The following CNTNAP1 variants were observed in gnomAD, a reference collection of about 807,000 sequenced individuals.
CNTNAP1 encodes the protein contactin-associated protein 1.
In CNTNAP1, 80 loss-of-function variants were observed where a neutral mutation model predicts 161.5. The observed-to-expected ratio is 0.50, with a 90% CI of 0.41 to 0.60. The LOEUF (loss-of-function observed/expected upper bound fraction) is 0.60. CNTNAP1 is among the 20% of genes least tolerant of loss of function. CNTNAP1 has a pLI of 0.00. For missense variants in CNTNAP1, 1,464 were observed against 1,854.8 expected (o/e 0.79, Z 3.87); for synonymous variants, 695 against 733.1 (o/e 0.95, Z 0.84).
rs150144818 is a variant in CNTNAP1 at position 42,688,435 on chromosome 17, C to A, written c.1307-27C>A. ...CTACCCTAGTTGCTGCTTCCCTCCA[C>A]CCACACCATCATCCATTCTTGTCCA... On this transcript the variant is annotated intron_variant, in intron 8 of 23. Coordinates refer to ENST00000264638, the MANE Select transcript of CNTNAP1 (RefSeq NM_003632.3). The A allele has an allele frequency of 1.7e-4, 280 of 1,614,114 alleles. No homozygotes were observed. In the East Asian group the frequency reaches 3.1e-3, roughly 18 times the overall value.
At chr17:42,688,743 G>A (rs1186502039) in intron 9 of CNTNAP1, 132 bp downstream of exon 9, 1 of 1,503,840 alleles carries the variant, frequency 6.6e-7, no homozygotes, top group African/African-American at 1.4e-5. Flanking sequence ...TCAGGGAGTG[G>A]AAGGTCATTG....
chr17:42,689,098 G>C, intron 10 of CNTNAP1, 51 bp downstream of exon 10: 2 of 1,502,036 alleles, frequency 1.3e-6, no homozygotes. Context: ...CCTCTTCCCT[G>C]GTCTCCCAGT....
In CNTNAP1 at chr17:42,695,663, T is replaced by G; in HGVS notation, c.3135T>G (p.Thr1045=). The change falls in exon 19 of 24, where the codon ACT becomes ACG. Residue 1045 remains threonine (T), a synonymous_variant. Coordinates refer to ENST00000264638, the MANE Select transcript of CNTNAP1 (RefSeq NM_003632.3). ...CTGGCTACATCCCGGGCTATGATAC[T>G]CCGGGCTATGTGCCTGGCTACCATG... ...YEPGYIPGYD[T]PGYVPGYHGP... is the part of the protein sequence containing the mutation. 6.2e-7 allele frequency: 1 copy of G among 1,614,100 alleles called. No individual in the cohort carries two copies. The highest frequency in any genetic ancestry group is 8.5e-7 in the Non-Finnish European group (1 of 1,180,000).
Position 42,697,780 on chromosome 17 carries a change from T to C in CNTNAP1, c.3795T>C (p.Asp1265=). The change falls in exon 22 of 24, where the codon GAT becomes GAC. Residue 1265 remains aspartate (D), a synonymous_variant. Transcript: ENST00000264638. ...TTTCAGAGGTGCCACCTGAGCTTGA[T>C]CCCTGGTATCTGCCCCCAGGTACAT... ...RLVSEVPPEL[D]PWYLPPDFPY... is the part of the protein sequence containing the mutation. 6.2e-7 allele frequency: 1 copy of C among 1,614,088 alleles called. No homozygotes were observed.
intron 3 of CNTNAP1, 118 bp from the exon 4 acceptor site, chr17:42,684,873 C>G (rs1013105493): frequency 1.6e-6 from 2 of 1,218,110 alleles, no homozygotes; most frequent in Non-Finnish European, 2.2e-6. Flanking sequence ...TGCGGTGAGC[C>G]GAGATCGTAC....
rs1434534195 is a variant in CNTNAP1 at position 42,685,194 on chromosome 17, C to G, written c.512-23C>G. 2 of 1,612,216 alleles carry G rather than the reference C, an allele frequency of 1.2e-6. No individual in the cohort carries two copies. Among genetic ancestry groups the G allele is most frequent in the African/African-American group, 2.7e-5 (2 of 74,912 alleles). ...GGGAGACAGCCTCCCCAGTTCCCGG[C>G]CCACCTACGGTCCTTTGCGCAGAGG... On this transcript the variant is annotated intron_variant, in intron 4 of 23. Coordinates refer to ENST00000264638, the MANE Select transcript of CNTNAP1 (RefSeq NM_003632.3). The surrounding 1 kb of genome is among the most constrained non-coding windows in gnomAD (Gnocchi z 5.0).
In CNTNAP1 at chr17:42,692,622, A is replaced by G; in HGVS notation, c.2654A>G (p.Lys885Arg). 2 of 1,614,232 alleles carry G rather than the reference A, an allele frequency of 1.2e-6. No homozygotes were observed. The highest frequency in any genetic ancestry group is 2.2e-5 in the South Asian group (2 of 91,078). Residue 885 changes from lysine (K) to arginine (R), a missense_variant, in exon 17 of 24, where the codon AAG (lysine) becomes AGG (arginine). By Grantham distance (26) the Lys-to-Arg change is conservative. Coordinates refer to ENST00000264638, the MANE Select transcript of CNTNAP1 (RefSeq NM_003632.3). ...WHLVRAEINVKQARLRVDHRP... is the reference protein window; with the variant it reads ...WHLVRAEINVRQARLRVDHRP... ...CTGGTCCGGGCTGAAATCAACGTGA[A>G]GCAGGCCCGGCTCCGAGTGGATCAC...
chr17:42,684,872 C>CCGAGAT (rs1461975954), intron 3 of CNTNAP1, 119 bp from the exon 4 acceptor site: 1 of 1,195,242 alleles, frequency 8.4e-7, no homozygotes, highest in East Asian at 2.6e-5. Context: ...TTGCGGTGAG[C>CCGAGAT]CGAGATCGTA....
In CNTNAP1 at chr17:42,684,161, C is replaced by T; in HGVS notation, c.295C>T (p.Arg99Cys). The change falls in exon 3 of 24, where the codon CGT becomes TGT. Residue 99 changes from arginine to cysteine, a missense_variant. Arg to Cys is a radical substitution (Grantham distance 180, BLOSUM62 -3). This residue lies in a region of CNTNAP1 where 1,383 missense variants were observed against 1,765.0 expected (regional missense o/e 0.78). Transcript: ENST00000264638. ...GSFNSWDWVT[R>C]YMLLYGDRVD... The stretch of plus-strand genomic sequence containing the variant: ...CTTTAATTCTTGGGACTGGGTCACA[C>T]GTTACATGCTACTCTACGGCGACCG... 6.2e-7 allele frequency: 1 copy of T among 1,614,198 alleles called. No homozygotes were observed. Among genetic ancestry groups the T allele is most frequent in the Non-Finnish European group, 8.5e-7 (1 of 1,180,040 alleles).
In CNTNAP1 at chr17:42,697,257, C is replaced by A. The variant is rs986130114; in HGVS notation, c.3475-17C>A. ...CCCGCTCCCTCATCGCCCTCCCCCTCCCCCTCCCCACCTCAGGTGGACTAC... is the reference window on the plus strand; with the variant it reads ...CCCGCTCCCTCATCGCCCTCCCCCTACCCCTCCCCACCTCAGGTGGACTAC... On this transcript the variant is annotated splice_polypyrimidine_tract_variant and intron_variant, in intron 20 of 23. Transcript: ENST00000264638. 8.2e-6 allele frequency: 13 copies of A among 1,583,818 alleles called. No homozygotes were observed. Among genetic ancestry groups the A allele is most frequent in the Non-Finnish European group, 3.5e-6 (4 of 1,152,830 alleles).
In CNTNAP1 at chr17:42,685,153, A is replaced by G; in HGVS notation, c.511+15A>G. 2 of 1,603,990 alleles carry G rather than the reference A, an allele frequency of 1.2e-6. No homozygotes were observed. Among genetic ancestry groups the G allele is most frequent in the Non-Finnish European group, 1.7e-6 (2 of 1,174,122 alleles). On this transcript the variant is annotated intron_variant, in intron 4 of 23. Transcript: ENST00000264638. This position sits in a 1 kb window ranked among gnomAD's most constrained non-coding sequence, Gnocchi z 5.0. ...CTGCCCATACAGTAAGTGTGCAGAGAGCGCGGAGGGGGCCTGGGAGACAGC... is the reference window on the plus strand; with the variant it reads ...CTGCCCATACAGTAAGTGTGCAGAGGGCGCGGAGGGGGCCTGGGAGACAGC...
Position 42,687,102 on chromosome 17 carries a change from A to G in CNTNAP1, c.1044+56A>G. On this transcript the variant is annotated intron_variant, in intron 7 of 23. Transcript: ENST00000264638. The surrounding 1 kb of genome is among the most constrained non-coding windows in gnomAD (Gnocchi z 4.7). Reference sequence around the variant, plus strand: ...GATATCAAAGCGTCGTGGAAAGCAAAGAGGTGGAGCGGGAAGAGATATTGA... The same window carrying G: ...GATATCAAAGCGTCGTGGAAAGCAAGGAGGTGGAGCGGGAAGAGATATTGA... 1.3e-6 allele frequency: 2 copies of G among 1,582,694 alleles called. No homozygotes were observed. The highest frequency in any genetic ancestry group is 4.5e-5 in the East Asian group (2 of 44,202).
chr17:42,690,787 G>T lies in CNTNAP1; in HGVS notation c.1904G>T (p.Arg635Leu). Residue 635 changes from arginine to leucine, a missense_variant, in exon 13 of 24, where the codon CGA becomes CTA. Coordinates refer to ENST00000264638, the MANE Select transcript of CNTNAP1 (RefSeq NM_003632.3). ...CGGCATGACAGGCTGTGGACAACTCGAGTGACAGGTTCCAGCATGGAGCGG... is the reference window on the plus strand; with the variant it reads ...CGGCATGACAGGCTGTGGACAACTCTAGTGACAGGTTCCAGCATGGAGCGG... The part of the protein sequence containing the change: ...VVRHDRLWTT[R>L]VTGSSMERPF... 6.2e-7 allele frequency: 1 copy of T among 1,614,198 alleles called. No individual in the cohort carries two copies. The highest frequency in any genetic ancestry group is 8.5e-7 in the Non-Finnish European group (1 of 1,180,022).
rs539979826 is a variant in CNTNAP1 at position 42,699,042 on chromosome 17, C to G, written c.*132C>G. The G allele has an allele frequency of 3.3e-5, 24 of 731,830 alleles. No homozygotes were observed. The highest frequency in any genetic ancestry group is 5.8e-5 in the East Asian group (2 of 34,476). 45.3% of individuals were successfully genotyped at this position (731,830 alleles called of 1,614,324 possible). A position where few individuals can be genotyped will look rare whatever the true frequency, so the allele number is the denominator to read the frequency against. ...CCAGAGGATATTCCCCCATCCCCCC[C>G]CCATCAAGTTTGGTGGGCAGAGCTA... On this transcript the variant is annotated 3_prime_UTR_variant, in exon 24 of 24. Coordinates refer to ENST00000264638, the MANE Select transcript of CNTNAP1 (RefSeq NM_003632.3).
chr17:42,683,410 A>ACCAAATACAGGTT, intron 1 of CNTNAP1: 1 of 1,086,612 alleles, frequency 9.2e-7, no homozygotes. Flanking sequence ...GTTGGGTGCA[A>ACCAAATACAGGTT]GGCCTGTATT....
Position 42,695,551 on chromosome 17 carries a change from G to A in CNTNAP1, c.3023G>A (p.Trp1008Ter). 1 of 1,606,538 alleles carries A rather than the reference G, an allele frequency of 6.2e-7. No individual in the cohort carries two copies. The highest frequency in any genetic ancestry group is 8.5e-7 in the Non-Finnish European group (1 of 1,174,254). Reference sequence around the variant, plus strand: ...GGTGGTTTCTTTGAGCCGGGCACCTGGATGCGCTATAACCTACAGTCAGCG... The same window carrying A: ...GGTGGTTTCTTTGAGCCGGGCACCTAGATGCGCTATAACCTACAGTCAGCG... ...DIGGFFEPGT[W>*]MRYNLQSALR... Residue 1008 changes from tryptophan to a stop codon, truncating the protein, a stop_gained, in exon 19 of 24, where the codon TGG becomes TAG. Coordinates refer to ENST00000264638, the MANE Select transcript of CNTNAP1 (RefSeq NM_003632.3). LOFTEE classifies it high-confidence loss of function.
intron 16 of CNTNAP1, 54 bp downstream of exon 16, chr17:42,692,045 G>A (rs1309339308): frequency 2.7e-5 from 42 of 1,574,058 alleles, no homozygotes; most frequent in Non-Finnish European, 3.7e-5. Context: ...GCTGTCTGGG[G>A]AGACAGGGGT....
rs1328347903 is a variant in CNTNAP1, at chr17:42,687,947, G to C, written c.1272G>C (p.Ala424=). 2.5e-6 allele frequency: 4 copies of C among 1,613,818 alleles called. No individual in the cohort carries two copies. The highest frequency in any genetic ancestry group is 3.4e-6 in the Non-Finnish European group (4 of 1,179,878). ...AAGGGCAGGTCAACGTGTCCATCGC[G>C]CAGAGCGGCCGAAAGAAGCTTCAGT... is the stretch of plus-strand genomic sequence containing the variant. ...LSEGQVNVSI[A]QSGRKKLQFA... Residue 424 remains alanine, a synonymous_variant, in exon 8 of 24, where the codon GCG becomes GCC. Transcript: ENST00000264638. This position sits in a 1 kb window ranked among gnomAD's most constrained non-coding sequence, Gnocchi z 4.7.
chr17:42,685,885 C>T lies in CNTNAP1; in HGVS notation c.716-72C>T. 1 of 1,522,586 alleles carries T rather than the reference C, an allele frequency of 6.6e-7. No individual in the cohort carries two copies. Among genetic ancestry groups the T allele is most frequent in the Non-Finnish European group, 9.0e-7 (1 of 1,110,736 alleles). The allele number at this position is 1,522,586 out of a possible 1,614,324, so 94.3% of individuals were successfully genotyped here. On this transcript the variant is annotated intron_variant, in intron 5 of 23. Coordinates refer to ENST00000264638, the MANE Select transcript of CNTNAP1 (RefSeq NM_003632.3). This position sits in a 1 kb window ranked among gnomAD's most constrained non-coding sequence, Gnocchi z 5.0. Reference sequence around the variant, plus strand: ...CCCTGGGCTTTGTTACACGCTGCTGCTCTGCCTAGGAGCTTGGACTCCATG... The same window carrying T: ...CCCTGGGCTTTGTTACACGCTGCTGTTCTGCCTAGGAGCTTGGACTCCATG...
Sources: allele counts gnomAD v4.1 joint callset, GRCh38; gene constraint gnomAD v4.1.1; regional missense constraint gnomAD v4.1.1; non-coding constraint Gnocchi (gnomAD v3.1); transcripts MANE v1.5; gene names NCBI Gene and HGNC (gene_info 2026-07-23, HGNC 2026-07-21).